Variants in ABCA10 observed in about 807,000 individuals in gnomAD.
The protein encoded by ABCA10 is ATP-binding cassette sub-family A member 10.
A neutral mutation model predicts 187.5 loss-of-function variants in ABCA10; 169 were observed. The observed-to-expected ratio is 0.90, with a 90% CI of 0.80 to 1.02. ABCA10 has a LOEUF of 1.02. Ranked by LOEUF, ABCA10 falls within the 50% of genes least tolerant of loss-of-function variation. The probability of loss-of-function intolerance (pLI) is 0.00; values close to 1 mark genes in which losing one functional copy is unlikely to be tolerated. For missense variants in ABCA10, 1,727 were observed against 1,812.4 expected (o/e 0.95, Z 0.86); for synonymous variants, 574 against 601.8 (o/e 0.95, Z 0.68).
At chr17:69,214,179 C>G (rs959105254) in intron 9 of ABCA10, among the ~76,000 whole-genome samples, 8 of 152,206 alleles carry the variant, frequency 5.3e-5, no homozygotes, top group African/African-American at 1.7e-4. Context: ...AAGACAAAAA[C>G]CAAAATAAAT....
At chr17:69,196,254 C>T (rs766809511) in intron 11 of ABCA10, 16 of 164,204 alleles carry the variant, frequency 9.7e-5, no homozygotes, top group South Asian at 3.3e-4. Flanking sequence ...ACTTCCCAGA[C>T]GGGGTGGCTG....
At chr17:69,180,914 A>T (rs1206364199) in intron 22 of ABCA10, among the ~76,000 whole-genome samples, 1 of 152,152 alleles carries the variant, frequency 6.6e-6, no homozygotes, top group Admixed American at 6.5e-5. Flanking sequence ...TATCATAATC[A>T]AACACACCAG....
chr17:69,213,836 G>A (rs1182320492), intron 9 of ABCA10, among the ~76,000 whole-genome samples: 1 of 152,092 alleles, frequency 6.6e-6, no homozygotes, highest in African/African-American at 2.4e-5. Context: ...AATTCAGCTA[G>A]GAGCTTCCTT....
rs2074403135 is a variant in ABCA10, at chr17:69,184,182, C to T, written c.2497+1295G>A. 2.0e-5 allele frequency among the ~76,000 whole-genome samples: 3 copies of T among 152,260 alleles called. No homozygotes were observed. The South Asian group carries it at 6.2e-4, about 32-fold the overall frequency. ...CTCCATCGGCCATGCCCCACAGGAG[C>T]TGCTGCAAGCCCTGTCCAAGTACAG... On this transcript the variant is annotated intron_variant, in intron 20 of 38. Transcript: ENST00000690296.
At chr17:69,181,078 T>C (rs2074376965) in intron 22 of ABCA10, among the ~76,000 whole-genome samples, 1 of 152,132 alleles carries the variant, frequency 6.6e-6, no homozygotes, top group Non-Finnish European at 1.5e-5. Context: ...TAAAAAATCA[T>C]AATTTTAGAA....
At chr17:69,180,068 C>T (rs556871134) in intron 22 of ABCA10, among the ~76,000 whole-genome samples, 2 of 152,080 alleles carry the variant, frequency 1.3e-5, no homozygotes, top group South Asian at 4.1e-4. Flanking sequence ...CATGGTTGTG[C>T]GATACATTAA....
intron 37 of ABCA10, among the ~76,000 whole-genome samples, chr17:69,149,654 G>GA (rs1327641473): frequency 6.6e-6 from 1 of 152,036 alleles, no homozygotes; most frequent in East Asian, 1.9e-4. Flanking sequence ...GATATTCTTT[G>GA]GGACAACATT....
At chr17:69,180,600 T>TTA (rs147193420) in intron 22 of ABCA10, among the ~76,000 whole-genome samples, 1,962 of 152,224 alleles carry the variant, frequency 0.013, 49 homozygotes, top group African/African-American at 0.045. Context: ...ATAGATGAAA[T>TTA]TATATTAGAT....
chr17:69,184,199 C>G (rs532194433), intron 20 of ABCA10, among the ~76,000 whole-genome samples: 1 of 152,072 alleles, frequency 6.6e-6, no homozygotes, highest in African/African-American at 2.4e-5. Context: ...AAGCCCTGTC[C>G]AAGTACAGTC....
Position 69,197,020 on chromosome 17 carries a change from G to GA in ABCA10, c.1234+43_1234+44insT, listed in dbSNP as rs774507699. 1.2e-4 allele frequency: 173 copies of GA among 1,408,718 alleles called. 1 individual carries two copies. In the African/African-American group the frequency reaches 2.0e-3, roughly 16 times the overall value. 87.3% of individuals were successfully genotyped at this position (1,408,718 alleles called of 1,614,324 possible). A position where few individuals can be genotyped will look rare whatever the true frequency, so the allele number is the denominator to read the frequency against. On this transcript the variant is annotated intron_variant, in intron 11 of 38. Transcript: ENST00000690296. ...GAGACCGTGGACAGAGGGAGGGGGA[G>GA]GGGGAGAGGGAGAGGGAGAGGGAGA...
chr17:69,179,618 A>C (rs2074363609), intron 22 of ABCA10, among the ~76,000 whole-genome samples: 1 of 106,474 alleles, frequency 9.4e-6, no homozygotes, highest in African/African-American at 2.8e-5. Flanking sequence ...AGGAAGAAGC[A>C]GAACAGTCAA....
Position 69,182,199 on chromosome 17 carries a change from A to G in ABCA10, c.2723T>C (p.Phe908Ser). Reference sequence around the variant, plus strand: ...CATTTGAATAAGCTCCGTGAAGTTAAAAATTCCCATAAGGGCATTGCTAAC... The same window carrying G: ...CATTTGAATAAGCTCCGTGAAGTTAGAAATTCCCATAAGGGCATTGCTAAC... ...GIVSNALMGI[F>S]NFTELIQMES... Residue 908 changes from phenylalanine to serine, a missense_variant, in exon 22 of 39, where the codon TTT becomes TCT. By Grantham distance (155) the Phe-to-Ser change is radical (BLOSUM62 -2). Coordinates refer to ENST00000690296, the MANE Select transcript of ABCA10 (RefSeq NM_001377321.1). 6.3e-7 allele frequency: 1 copy of G among 1,598,416 alleles called. No homozygotes were observed. Among genetic ancestry groups the G allele is most frequent in the Non-Finnish European group, 8.5e-7 (1 of 1,172,012 alleles).
At chr17:69,194,191 C>T (rs893907448) in intron 12 of ABCA10, among the ~76,000 whole-genome samples, 194 bp downstream of exon 12, 1 of 152,108 alleles carries the variant, frequency 6.6e-6, no homozygotes, top group South Asian at 2.1e-4. Context: ...GCAAAATATA[C>T]ATGGAATGTC....
chr17:69,170,005 T>A (rs2074284923), intron 25 of ABCA10, among the ~76,000 whole-genome samples: 1 of 152,180 alleles, frequency 6.6e-6, no homozygotes, highest in Admixed American at 6.5e-5. Context: ...TTGGATTTTC[T>A]GGCCGGGCAC....
Position 69,148,673 on chromosome 17 carries a change from A to C in ABCA10, c.*154T>G, listed in dbSNP as rs991938681. 3 of 666,448 alleles carry C rather than the reference A, an allele frequency of 4.5e-6. No homozygotes were observed. The highest frequency in any genetic ancestry group is 3.7e-5 in the African/African-American group (2 of 54,606). 41.3% of individuals were successfully genotyped at this position (666,448 alleles called of 1,614,324 possible). On this transcript the variant is annotated 3_prime_UTR_variant, in exon 39 of 39. Coordinates refer to ENST00000690296, the MANE Select transcript of ABCA10 (RefSeq NM_001377321.1). ...TTCCCTATATTTCCTTGTTTCCTTC[A>C]TCCTAAATTTTTAAAAATGAAAACT... is the stretch of plus-strand genomic sequence containing the variant.
chr17:69,151,138 C>T (rs1453103492), intron 36 of ABCA10, among the ~76,000 whole-genome samples: 1 of 152,136 alleles, frequency 6.6e-6, no homozygotes, highest in Non-Finnish European at 1.5e-5. Context: ...TTGGCATCTC[C>T]ACTTGGATAT....
At chr17:69,175,555 C>A (rs2074328609) in intron 22 of ABCA10, 42 bp from the exon 23 acceptor site, 1 of 1,424,198 alleles carries the variant, frequency 7.0e-7, no homozygotes, top group Non-Finnish European at 9.7e-7. Flanking sequence ...GCAATTGTTA[C>A]AAATTATACA....
intron 24 of ABCA10, 69 bp from the exon 25 acceptor site, chr17:69,174,463 A>G (rs2074319170): frequency 1.4e-6 from 2 of 1,451,416 alleles, no homozygotes; most frequent in Non-Finnish European, 1.9e-6. Context: ...GAGGGGAGAT[A>G]ATCAGGTCAT....
intron 18 of ABCA10, 105 bp from the exon 19 acceptor site, chr17:69,187,984 G>A (rs1301156436): frequency 3.0e-6 from 3 of 986,602 alleles, no homozygotes; most frequent in South Asian, 1.7e-5. Flanking sequence ...CTTCCAACAA[G>A]TTAAGCTACT....
Sources: gnomAD v4.1 joint callset for allele counts (sites outside exome capture counted in the v4.1 genomes callset) on GRCh38, gnomAD v4.1.1 for gene constraint, MANE v1.5 for transcripts, NCBI Gene and HGNC (gene_info 2026-07-23, HGNC 2026-07-21) for gene names.